Variants in BCAR3 observed in about 807,000 individuals in gnomAD.
BCAR3 encodes breast cancer anti-estrogen resistance protein 3.
In BCAR3, 37 loss-of-function variants were observed where a neutral mutation model predicts 80.1. The ratio of observed to expected loss-of-function variants is 0.46; its 90% confidence interval spans 0.36 to 0.61. The LOEUF is 0.61. Ranked by LOEUF, BCAR3 falls within the 20% of genes least tolerant of loss-of-function variation. BCAR3 has a pLI of 0.00. For synonymous variants in BCAR3, 389 were observed against 418.9 expected (o/e 0.93, Z 0.87); for missense variants, 978 against 1,068.2 (o/e 0.92, Z 1.18).
At chr1:93,672,583 T>C (rs1418723774) in intron 2 of BCAR3, among the ~76,000 whole-genome samples, 1 of 152,248 alleles carries the variant, frequency 6.6e-6, no homozygotes, top group Non-Finnish European at 1.5e-5. Flanking sequence ...GCTCACCTCC[T>C]GCATTCTTGC....
intron 3 of BCAR3, among the ~76,000 whole-genome samples, chr1:93,630,737 G>A (rs1230277697): frequency 6.6e-6 from 1 of 152,228 alleles, no homozygotes; most frequent in Non-Finnish European, 1.5e-5. Flanking sequence ...AGGGAAGGCT[G>A]TTCTGAGGCA....
intron 2 of BCAR3, among the ~76,000 whole-genome samples, chr1:93,727,855 A>C (rs12029067): frequency 6.6e-6 from 1 of 152,234 alleles, no homozygotes; most frequent in African/African-American, 2.4e-5. Flanking sequence ...CTATCTTTGC[A>C]GATGTAATGA....
chr1:93,708,105 G>T (rs535776098), intron 2 of BCAR3, among the ~76,000 whole-genome samples: 1 of 152,250 alleles, frequency 6.6e-6, no homozygotes, highest in South Asian at 2.1e-4. Context: ...ATGGAACTTC[G>T]CAGACTGCTA....
At chr1:93,740,213 G>A (rs1025877829) in intron 2 of BCAR3, among the ~76,000 whole-genome samples, 7 of 152,180 alleles carry the variant, frequency 4.6e-5, no homozygotes, top group African/African-American at 1.2e-4. Flanking sequence ...ACCAAATGCC[G>A]ACAACAATGG....
chr1:93,842,540 C>T (rs1010355066), intron 2 of BCAR3, among the ~76,000 whole-genome samples: 2 of 152,096 alleles, frequency 1.3e-5, no homozygotes, highest in African/African-American at 2.4e-5. Context: ...GACCCTCAGA[C>T]GGTTTTCTGA....
chr1:93,592,594 A>G lies in BCAR3; in HGVS notation c.358-201T>C. The G allele has an allele frequency of 3.4e-6, 2 of 585,364 alleles. No individual in the cohort carries two copies. The highest frequency in any genetic ancestry group is 3.5e-5 in the Admixed American group (1 of 28,552). 36.3% of individuals were successfully genotyped at this position (585,364 alleles called of 1,614,324 possible). A position where few individuals can be genotyped will look rare whatever the true frequency, so the allele number is the denominator to read the frequency against. On this transcript the variant is annotated intron_variant, in intron 3 of 11. Coordinates refer to ENST00000260502, the MANE Select transcript of BCAR3 (RefSeq NM_003567.4). This position sits in a 1 kb window ranked among gnomAD's most constrained non-coding sequence, Gnocchi z 4.8. ...CATGTAATAAAATTTTCACCTGCACATGGGGACTATGGTAGGAGAGTCCAC... is the reference window on the plus strand; with the variant it reads ...CATGTAATAAAATTTTCACCTGCACGTGGGGACTATGGTAGGAGAGTCCAC...
In BCAR3 at chr1:93,801,338, A is replaced by C. The variant is rs79582138; in HGVS notation, c.-63+44229T>G. Among the ~76,000 whole-genome samples, 3 of 152,334 alleles carry C rather than the reference A, an allele frequency of 2.0e-5. No individual in the cohort carries two copies. The East Asian group carries it at 5.8e-4, about 29-fold the overall frequency. The stretch of plus-strand genomic sequence containing the variant: ...AACTGGCCAATTTATCGCAAGTTTC[A>C]CTAGTTCCAAAGTGTGCACAGAATC... On this transcript the variant is annotated intron_variant, in intron 2 of 13. Coordinates refer to the BCAR3 transcript ENST00000370244.
intron 8 of BCAR3, 112 bp downstream of exon 8, chr1:93,575,902 C>A: frequency 1.2e-6 from 1 of 832,708 alleles, no homozygotes. Flanking sequence ...CCCTGAAGTA[C>A]TGTTACCCCA....
chr1:93,729,371 T>A (rs1250509049), intron 2 of BCAR3, among the ~76,000 whole-genome samples: 1 of 152,132 alleles, frequency 6.6e-6, no homozygotes, highest in East Asian at 1.9e-4. Context: ...CTCATGTAGT[T>A]TATTAAATAC....
chr1:93,667,915 C>G (rs1397030274), intron 2 of BCAR3, among the ~76,000 whole-genome samples: 1 of 152,238 alleles, frequency 6.6e-6, no homozygotes, highest in African/African-American at 2.4e-5. Context: ...TAAGACTTCT[C>G]CAGCTTGTGT....
At chr1:93,713,992 GT>G (rs938465920) in intron 2 of BCAR3, among the ~76,000 whole-genome samples, 1 of 151,830 alleles carries the variant, frequency 6.6e-6, no homozygotes, top group Non-Finnish European at 1.5e-5. Flanking sequence ...AGATTCAACT[GT>G]TTTTTTTGAG....
Position 93,642,965 on chromosome 1 carries a change from T to C in BCAR3, c.318-622A>G, listed in dbSNP as rs532279112. Among the ~76,000 whole-genome samples the C allele has an allele frequency of 2.6e-4, 39 of 152,340 alleles. 1 individual carries two copies. In the South Asian group the frequency reaches 7.0e-3, roughly 27 times the overall value. On this transcript the variant is annotated intron_variant, in intron 2 of 11. Coordinates refer to ENST00000260502, the MANE Select transcript of BCAR3 (RefSeq NM_003567.4). ...CATATGGGCCAGGTGTGGTGGCTCA[T>C]GCCTGTAATCCCAGCACTTTGGGAG...
rs74101606 is a variant in BCAR3 at position 93,567,270 on chromosome 1, A to G, written c.2299+9T>C. 2 of 1,613,368 alleles carry G rather than the reference A, an allele frequency of 1.2e-6. No individual in the cohort carries two copies. The highest frequency in any genetic ancestry group is 2.7e-5 in the African/African-American group (2 of 75,010). On this transcript the variant is annotated intron_variant, in intron 11 of 11. Coordinates refer to ENST00000260502, the MANE Select transcript of BCAR3 (RefSeq NM_003567.4). Reference sequence around the variant, plus strand: ...TGTTAGAGAACAGCTTACAAAACCCATCTCTTACCTGCCAGGATCCTCTCA... The same window carrying G: ...TGTTAGAGAACAGCTTACAAAACCCGTCTCTTACCTGCCAGGATCCTCTCA...
Position 93,615,047 on chromosome 1 carries a change from T to C in BCAR3, c.358-22654A>G, listed in dbSNP as rs185649266. On this transcript the variant is annotated intron_variant, in intron 3 of 11. Transcript: ENST00000260502. ...TTTTAATCAAATCCAGATTTCTGCC[T>C]GTAGCTCTTCCTCTCCTATCCTACC... Among the ~76,000 whole-genome samples, 448 of 150,584 alleles carry C rather than the reference T, an allele frequency of 3.0e-3. 14 individuals are homozygous for C. Among genetic ancestry groups the C allele is most frequent in the Admixed American group, 0.026 (392 of 15,140 alleles).
intron 2 of BCAR3, among the ~76,000 whole-genome samples, chr1:93,798,212 T>C (rs1653351343): frequency 6.6e-6 from 1 of 152,226 alleles, no homozygotes; most frequent in Admixed American, 6.5e-5. Context: ...GGGTCTATAT[T>C]ATATTTTGCA....
At chr1:93,722,493 A>C (rs1000268585) in intron 2 of BCAR3, among the ~76,000 whole-genome samples, 3 of 151,980 alleles carry the variant, frequency 2.0e-5, no homozygotes, top group Non-Finnish European at 2.9e-5. Context: ...ACCTCTGCAC[A>C]CTCTAAGCCG....
At chr1:93,783,077 C>A (rs942271292) in intron 2 of BCAR3, among the ~76,000 whole-genome samples, 1 of 152,124 alleles carries the variant, frequency 6.6e-6, no homozygotes, top group Non-Finnish European at 1.5e-5. Flanking sequence ...GGATGTGGAG[C>A]CTCCCTTTGG....
At chr1:93,805,808 G>T (rs1395917821) in intron 2 of BCAR3, among the ~76,000 whole-genome samples, 1 of 152,004 alleles carries the variant, frequency 6.6e-6, no homozygotes, top group East Asian at 1.9e-4. Context: ...ATAATTCATG[G>T]GGAAGAAAAG....
intron 2 of BCAR3, among the ~76,000 whole-genome samples, chr1:93,764,980 T>TA (rs1652095171): frequency 6.6e-6 from 1 of 152,142 alleles, no homozygotes; most frequent in Non-Finnish European, 1.5e-5. Context: ...ACCTCGCTCT[T>TA]ACGCCAGGCA....
Sources: allele counts gnomAD v4.1 joint callset (sites outside exome capture counted in the v4.1 genomes callset), GRCh38; gene constraint gnomAD v4.1.1; non-coding constraint Gnocchi (gnomAD v3.1); transcripts MANE v1.5; gene names NCBI Gene and HGNC (gene_info 2026-07-23, HGNC 2026-07-21).